The following NRCAM variants were observed in gnomAD, a reference collection of about 807,000 sequenced individuals.
NRCAM encodes the protein neuronal cell adhesion molecule.
In NRCAM, 83 loss-of-function variants were observed where a neutral mutation model predicts 156.5. The ratio of observed to expected loss-of-function variants is 0.53; its 90% confidence interval spans 0.44 to 0.64. The LOEUF is 0.64. Ranked by LOEUF, NRCAM falls within the 30% of genes least tolerant of loss-of-function variation. NRCAM has a pLI of 0.00. For missense variants in NRCAM, 1,417 were observed against 1,597.3 expected, an observed-to-expected ratio of 0.89 and a Z score of 1.92; for synonymous variants, 538 against 563.9, an observed-to-expected ratio of 0.95 and a Z score of 0.65.
intron 2 of NRCAM, among the ~76,000 whole-genome samples, chr7:108,358,275 C>A (rs1381692642): frequency 6.7e-6 from 1 of 149,148 alleles, no homozygotes; most frequent in South Asian, 2.1e-4. Context: ...CCTGACAGTG[C>A]ATGCCTGTAG....
intron 2 of NRCAM, among the ~76,000 whole-genome samples, chr7:108,320,651 G>T (rs2098990761): frequency 6.6e-6 from 1 of 152,100 alleles, no homozygotes; most frequent in Admixed American, 6.5e-5. Flanking sequence ...ATTTAGGCAT[G>T]TTTCATTGAC....
chr7:108,303,397 C>T (rs940820760), intron 3 of NRCAM, among the ~76,000 whole-genome samples: 3 of 152,130 alleles, frequency 2.0e-5, no homozygotes, highest in African/African-American at 7.2e-5. Context: ...TCTTCAGCCC[C>T]TCTGCTAGGA....
At chr7:108,322,206 T>C (rs2099010872) in intron 2 of NRCAM, among the ~76,000 whole-genome samples, 1 of 152,322 alleles carries the variant, frequency 6.6e-6, no homozygotes, top group East Asian at 1.9e-4. Context: ...TTTTTAGATG[T>C]TCTAGTTTTC....
intron 3 of NRCAM, among the ~76,000 whole-genome samples, chr7:108,267,727 T>C (rs2097161672): frequency 6.6e-6 from 1 of 152,178 alleles, no homozygotes; most frequent in South Asian, 2.1e-4. Context: ...AAAAGACTCA[T>C]CAAAAGAGAA....
chr7:108,228,215 G>A (rs770739991), intron 8 of NRCAM, among the ~76,000 whole-genome samples: 12 of 152,088 alleles, frequency 7.9e-5, no homozygotes, highest in South Asian at 6.2e-4. Flanking sequence ...TCAGTTACTC[G>A]GGAAGCTGAG....
intron 2 of NRCAM, among the ~76,000 whole-genome samples, chr7:108,380,505 T>C (rs1037649082): frequency 3.9e-5 from 6 of 152,228 alleles, no homozygotes. Context: ...TCCTATTCTC[T>C]GTAGATTTGA....
intron 3 of NRCAM, among the ~76,000 whole-genome samples, chr7:108,254,658 C>T (rs1030716750): frequency 3.3e-5 from 5 of 150,790 alleles, no homozygotes; most frequent in African/African-American, 1.2e-4. Flanking sequence ...AACCATCCTC[C>T]CACCTCAGCC....
Position 108,310,953 on chromosome 7 carries a change from C to A in NRCAM, c.-107+1712G>T, listed in dbSNP as rs80103105. On this transcript the variant is annotated intron_variant, in intron 3 of 32. Coordinates refer to ENST00000379028, the MANE Select transcript of NRCAM (RefSeq NM_001037132.4). ...AAGACAGAGATTTTCAATCGAGTACCCTTCACACGATGGAAGAAAGAAAAA... is the reference window on the plus strand; with the variant it reads ...AAGACAGAGATTTTCAATCGAGTACACTTCACACGATGGAAGAAAGAAAAA... 2.0e-4 allele frequency among the ~76,000 whole-genome samples: 30 copies of A among 152,138 alleles called. No homozygotes were observed. In the East Asian group the frequency reaches 5.8e-3, roughly 29 times the overall value.
intron 13 of NRCAM, among the ~76,000 whole-genome samples, chr7:108,199,648 C>A (rs745568162): frequency 2.0e-5 from 3 of 152,176 alleles, no homozygotes; most frequent in Non-Finnish European, 4.4e-5. Context: ...TCCATAGTCA[C>A]CTTTCTTTCC....
intron 8 of NRCAM, among the ~76,000 whole-genome samples, chr7:108,227,291 A>G (rs1008380962): frequency 3.3e-5 from 5 of 152,210 alleles, no homozygotes; most frequent in Admixed American, 2.6e-4. Context: ...CAGTTAAGGA[A>G]CTATCTTGCC....
chr7:108,166,638 T>A (rs4727700), intron 30 of NRCAM, among the ~76,000 whole-genome samples: 91,752 of 152,126 alleles, frequency 0.6, 32,669 homozygotes, highest in East Asian at 0.83. Flanking sequence ...ACATGTGATA[T>A]GAACAATTGA....
chr7:108,150,561 G>A, intron 32 of NRCAM: 1 of 438,252 alleles, frequency 2.3e-6, no homozygotes, highest in Non-Finnish European at 4.6e-6. Flanking sequence ...TGATTCCTTG[G>A]TTGTGAATGG....
At chr7:108,290,916 T>C (rs1216669927) in intron 3 of NRCAM, among the ~76,000 whole-genome samples, 1 of 152,192 alleles carries the variant, frequency 6.6e-6, no homozygotes, top group African/African-American at 2.4e-5. Context: ...GATAGTTAAC[T>C]ATTGCAAATA....
In NRCAM at chr7:108,274,290, T is replaced by G. The variant is rs142772225; in HGVS notation, c.-106-34120A>C. On this transcript the variant is annotated intron_variant, in intron 3 of 32. Coordinates refer to ENST00000379028, the MANE Select transcript of NRCAM (RefSeq NM_001037132.4). ...ATTCTGTGAAGAAAGTCAGTGTTAG[T>G]TTGATAGGGATAGCATTCAATCTAC... is the stretch of plus-strand genomic sequence containing the variant. Among the ~76,000 whole-genome samples, 806 of 152,298 alleles carry G rather than the reference T, an allele frequency of 5.3e-3. 5 individuals carry two copies. Among genetic ancestry groups the G allele is most frequent in the African/African-American group, 0.018 (737 of 41,562 alleles).
rs78799403 is a variant in NRCAM at position 108,445,252 on chromosome 7, C to T, written c.-332+10991G>A. Among the ~76,000 whole-genome samples the T allele has an allele frequency of 8.8e-3, 1,338 of 152,334 alleles. 14 individuals are homozygous for T. The highest frequency in any genetic ancestry group is 0.03 in the African/African-American group (1,258 of 41,580). ...AAAAGTTCCTTCTCAGAAGGACACA[C>T]TGCCGACAGCTTTGCTGACTCTTAT... On this transcript the variant is annotated intron_variant, in intron 1 of 32. Coordinates refer to ENST00000379028, the MANE Select transcript of NRCAM (RefSeq NM_001037132.4).
intron 3 of NRCAM, among the ~76,000 whole-genome samples, chr7:108,266,275 T>C (rs957174565): frequency 2.6e-5 from 4 of 152,202 alleles, no homozygotes; most frequent in Non-Finnish European, 5.9e-5. Flanking sequence ...GAGTCAAATT[T>C]CTGTCTAGTC....
chr7:108,224,756 T>C (rs1402674400), intron 10 of NRCAM, among the ~76,000 whole-genome samples: 1 of 152,136 alleles, frequency 6.6e-6, no homozygotes, highest in Non-Finnish European at 1.5e-5. Flanking sequence ...TGAGAAAAAT[T>C]AGTTTTCCTA....
intron 3 of NRCAM, among the ~76,000 whole-genome samples, chr7:108,268,702 A>G (rs941317805): frequency 6.6e-6 from 1 of 151,092 alleles, no homozygotes; most frequent in Non-Finnish European, 1.5e-5. Context: ...AAAATATATG[A>G]CCACATTCTC....
chr7:108,285,217 G>A (rs563330083), intron 3 of NRCAM, among the ~76,000 whole-genome samples: 76 of 151,748 alleles, frequency 5.0e-4, no homozygotes, highest in Admixed American at 9.8e-4. Flanking sequence ...CCACATGCCT[G>A]CAAGAACAAC....
Sources: allele counts gnomAD v4.1 joint callset (sites outside exome capture counted in the v4.1 genomes callset), GRCh38; gene constraint gnomAD v4.1.1; transcripts MANE v1.5; gene names NCBI Gene and HGNC (gene_info 2026-07-23, HGNC 2026-07-21).